Variants in TSPAN16 observed in about 807,000 individuals in gnomAD.
TSPAN16 encodes the protein tetraspanin-16.
In TSPAN16, 23 loss-of-function variants were observed where a neutral mutation model predicts 25.2. The ratio of observed to expected loss-of-function variants is 0.91; its 90% confidence interval spans 0.66 to 1.29. The LOEUF (loss-of-function observed/expected upper bound fraction) is 1.29, where lower values mean the gene tolerates loss of function less well. Ranked by LOEUF, TSPAN16 falls within the 50% of genes most tolerant of loss-of-function variation. TSPAN16 has a pLI of 0.00. For missense variants in TSPAN16, 272 were observed against 299.9 expected (o/e 0.91, Z 0.69); for synonymous variants, 123 against 124.4 (o/e 0.99, Z 0.08).
intron 3 of TSPAN16, chr19:11,300,741 C>T (rs1292634948): frequency 6.3e-6 from 1 of 159,122 alleles, no homozygotes; most frequent in Non-Finnish European, 1.4e-5. Flanking sequence ...GTCTGTTCTC[C>T]TGTGCATGTC....
In TSPAN16 at chr19:11,306,799, G is replaced by A. The variant is rs771230617; in HGVS notation, c.603+43G>A. 4 of 1,552,356 alleles carry A rather than the reference G, an allele frequency of 2.6e-6. No individual in the cohort carries two copies. In the African/African-American group the frequency reaches 4.2e-5, roughly 16 times the overall value. ...GTGTTGCCTTGACAGACCCCTGAGG[G>A]CTGGTGACTTCATTTTTATTTTTAT... On this transcript the variant is annotated intron_variant, in intron 5 of 6. Coordinates refer to ENST00000590327, the MANE Select transcript of TSPAN16 (RefSeq NM_001282509.2).
At chr19:11,320,673 CA>C (rs34867288), downstream of TSPAN16, among the ~76,000 whole-genome samples, 48,683 of 114,080 alleles carry the variant, frequency 0.43, 9,208 homozygotes, top group African/African-American at 0.6. Context: ...ACCTTGTCTC[CA>C]AAAAAAAAAA....
In TSPAN16 at chr19:11,296,347, T is replaced by C; in HGVS notation, c.50T>C (p.Leu17Ser). 6.2e-7 allele frequency: 1 copy of C among 1,614,208 alleles called. No homozygotes were observed. Among genetic ancestry groups the C allele is most frequent in the Non-Finnish European group, 8.5e-7 (1 of 1,180,034 alleles). The change falls in exon 1 of 7, where the codon TTA (leucine) becomes TCA (serine). Residue 17 changes from leucine to serine, a missense_variant. Transcript: ENST00000590327. ...TCTTCCTTGAAGAAACTGTTATCTT[T>C]ACTCAATGGCTTCGTGGCTGTAAGT... ...PYSSLKKLLS[L>S]LNGFVAVSGI...
intron 6 of TSPAN16, among the ~76,000 whole-genome samples, chr19:11,314,208 CTGA>C (rs1440107325): frequency 2.6e-5 from 4 of 152,048 alleles, no homozygotes; most frequent in Non-Finnish European, 5.9e-5. Flanking sequence ...TGGGGAGTGA[CTGA>C]TAATAGGTAT....
intron 4 of TSPAN16, among the ~76,000 whole-genome samples, chr19:11,302,680 C>CACACACACATATATATATATATATATAT (rs1568288411): frequency 1.6e-5 from 2 of 122,282 alleles, no homozygotes; most frequent in East Asian, 2.3e-4. Context: ...TATATATATA[C>CACACACACATATATATATATATATATAT]ACACACACAC....
At chr19:11,308,224 GCA>G (rs2080650345) in intron 5 of TSPAN16, among the ~76,000 whole-genome samples, 1 of 152,172 alleles carries the variant, frequency 6.6e-6, no homozygotes, top group African/African-American at 2.4e-5. Context: ...GAGTGAATGA[GCA>G]CAGAGATCTT....
chr19:11,298,940 T>C lies in TSPAN16; in HGVS notation c.336T>C (p.Phe112=), dbSNP rs2080511586. ...CTGCCACAGTGGTCCTTCTTTTCTT[T>C]CCAATTGTAAGTACAGCCCTGCTCC... The part of the protein sequence containing the change: ...VTAATVVLLF[F]PIVGDVALEH... The change falls in exon 3 of 7, where the codon TTT becomes TTC. Residue 112 remains phenylalanine, a synonymous_variant. Transcript: ENST00000590327. The C allele has an allele frequency of 1.2e-6, 2 of 1,613,774 alleles. No individual in the cohort carries two copies. Among genetic ancestry groups the C allele is most frequent in the African/African-American group, 2.7e-5 (2 of 74,862 alleles).
At chr19:11,311,098 G>C (rs1210284024) in intron 5 of TSPAN16, among the ~76,000 whole-genome samples, 2 of 152,088 alleles carry the variant, frequency 1.3e-5, no homozygotes, top group African/African-American at 4.8e-5. Context: ...CGGCCTCTCA[G>C]AGTTCTGGGA....
intron 4 of TSPAN16, among the ~76,000 whole-genome samples, chr19:11,304,311 C>G (rs536077373): frequency 6.6e-6 from 1 of 151,380 alleles, no homozygotes; most frequent in East Asian, 1.9e-4. Flanking sequence ...GGGTTGATGG[C>G]CAGGCTTTGA....
intron 5 of TSPAN16, among the ~76,000 whole-genome samples, chr19:11,308,382 T>G (rs2080652519): frequency 6.6e-6 from 1 of 152,018 alleles, no homozygotes; most frequent in South Asian, 2.1e-4. Flanking sequence ...CACCGCAGCC[T>G]CCGCCTCCCA....
intron 2 of TSPAN16, among the ~76,000 whole-genome samples, 188 bp from the exon 3 acceptor site, chr19:11,298,684 G>C (rs369536941): frequency 1.2e-4 from 19 of 152,102 alleles, no homozygotes; most frequent in African/African-American, 4.6e-4. Flanking sequence ...CACCCGCCTC[G>C]GTCTCCTAAA....
rs73922638 is a variant in TSPAN16 at position 11,314,204 on chromosome 19, G to A, written c.688-1587G>A. Among the ~76,000 whole-genome samples the A allele has an allele frequency of 2.5e-3, 378 of 152,260 alleles. 2 individuals are homozygous for A. The highest frequency in any genetic ancestry group is 8.7e-3 in the African/African-American group (361 of 41,542). On this transcript the variant is annotated intron_variant, in intron 6 of 6. Transcript: ENST00000590327. ...CCAGAGGGTACGGGAAGAATGGGGA[G>A]TGACTGATAATAGGTATGGCGTTTC...
intron 5 of TSPAN16, among the ~76,000 whole-genome samples, chr19:11,311,277 A>G (rs1022947029): frequency 4.6e-5 from 7 of 152,236 alleles, no homozygotes; most frequent in Non-Finnish European, 1.0e-4. Context: ...CTGGAATTAC[A>G]GGCACCGCCA....
At chr19:11,304,490 A>G (rs2080604333) in intron 4 of TSPAN16, among the ~76,000 whole-genome samples, 1 of 150,570 alleles carries the variant, frequency 6.6e-6, no homozygotes, top group East Asian at 1.9e-4. Flanking sequence ...CTACAGGTGC[A>G]CACCACCACA....
intron 3 of TSPAN16, among the ~76,000 whole-genome samples, chr19:11,300,583 A>G (rs2080533557): frequency 6.6e-6 from 1 of 152,180 alleles, no homozygotes; most frequent in African/African-American, 2.4e-5. Flanking sequence ...AGCATAAACC[A>G]AAGAGGAAGA....
At chr19:11,319,467 A>G (rs1041788513), downstream of TSPAN16, among the ~76,000 whole-genome samples, 6 of 152,046 alleles carry the variant, frequency 3.9e-5, no homozygotes, top group Non-Finnish European at 8.8e-5. Context: ...GCGTGGTGGC[A>G]CACGCCCTGT....
intron 2 of TSPAN16, 142 bp downstream of exon 2, chr19:11,298,481 C>T: frequency 1.3e-6 from 1 of 777,764 alleles, no homozygotes; most frequent in Non-Finnish European, 2.0e-6. Context: ...GTCGCCCAGG[C>T]TGGAGTGCAG....
In TSPAN16 at chr19:11,296,371, G is replaced by A; in HGVS notation, c.69+5G>A. ...TTACTCAATGGCTTCGTGGCTGTAA[G>A]TATGTCACAATCCAGGCCCCTGGTT... On this transcript the variant is annotated splice_donor_5th_base_variant and intron_variant, in intron 1 of 6. Transcript: ENST00000590327. 2.5e-6 allele frequency: 4 copies of A among 1,614,100 alleles called. No homozygotes were observed. The highest frequency in any genetic ancestry group is 3.4e-6 in the Non-Finnish European group (4 of 1,179,974).
At chr19:11,308,252 TAGAAATC>T (rs2080650707) in intron 5 of TSPAN16, among the ~76,000 whole-genome samples, 1 of 151,970 alleles carries the variant, frequency 6.6e-6, no homozygotes, top group South Asian at 2.1e-4. Flanking sequence ...AGGGAAGAAA[TAGAAATC>T]AGAGCCAGGG....
Sources: gnomAD v4.1 joint callset for allele counts (sites outside exome capture counted in the v4.1 genomes callset) on GRCh38, gnomAD v4.1.1 for gene constraint, MANE v1.5 for transcripts, NCBI Gene and HGNC (gene_info 2026-07-23, HGNC 2026-07-21) for gene names.